MSL2: variants seen among roughly 807,000 people sequenced by gnomAD.
MSL2 encodes the protein E3 ubiquitin-protein ligase MSL2.
A neutral mutation model predicts 35.8 loss-of-function variants in MSL2; 2 were observed. The observed-to-expected ratio is 0.06, with a 90% confidence interval of 0.02 to 0.18. The LOEUF is 0.18. Ranked by LOEUF, MSL2 falls within the 10% of genes least tolerant of loss-of-function variation. The pLI is 1.00. For synonymous variants in MSL2, 296 were observed against 255.7 expected (o/e 1.16, Z -1.50); for missense variants, 523 against 706.7 (o/e 0.74, Z 2.95).
At chr3:136,159,616 C>A (rs1350626608) in intron 1 of MSL2, among the ~76,000 whole-genome samples, 1 of 151,348 alleles carries the variant, frequency 6.6e-6, no homozygotes, top group African/African-American at 2.4e-5. Context: ...GTGATCCGCC[C>A]GCCTCGGCCT....
Position 136,175,382 on chromosome 3 carries a change from C to A in MSL2, c.142+19590G>T, listed in dbSNP as rs576630938. ...AAAGTGGGAGAATACACTTCTCTCA[C>A]TGATGTCAAAAGTCTGAGATAGGCC... On this transcript the variant is annotated intron_variant, in intron 1 of 1. Coordinates refer to ENST00000309993, the MANE Select transcript of MSL2 (RefSeq NM_018133.4). Among the ~76,000 whole-genome samples the A allele has an allele frequency of 3.3e-5, 5 of 151,690 alleles. No homozygotes were observed. In the South Asian group the frequency reaches 8.3e-4, roughly 25 times the overall value.
At chr3:136,194,948 A>T in intron 1 of MSL2, 24 bp downstream of exon 1, 1 of 1,613,104 alleles carries the variant, frequency 6.2e-7, no homozygotes, top group East Asian at 2.2e-5. Flanking sequence ...AGCATTGAAA[A>T]GGGAACAATA....
chr3:136,162,003 T>G lies in MSL2; in HGVS notation c.143-9265A>C, dbSNP rs903797123. ...CCCAGGCTAGAGCACAGTGGCGTGA[T>G]CTCGGCTCACTACAACCTCTGCCTC... On this transcript the variant is annotated intron_variant, in intron 1 of 1. Transcript: ENST00000309993. Among the ~76,000 whole-genome samples the G allele has an allele frequency of 2.6e-5, 4 of 151,898 alleles. No homozygotes were observed. In the South Asian group the frequency reaches 8.3e-4, roughly 32 times the overall value.
At chr3:136,175,751 T>C (rs1317259225) in intron 1 of MSL2, among the ~76,000 whole-genome samples, 1 of 152,200 alleles carries the variant, frequency 6.6e-6, no homozygotes, top group Non-Finnish European at 1.5e-5. Flanking sequence ...TCAATTTATC[T>C]AAATTTCCCC....
At chr3:136,153,510 G>A (rs894874023) in intron 1 of MSL2, among the ~76,000 whole-genome samples, 5 of 152,234 alleles carry the variant, frequency 3.3e-5, no homozygotes, top group Non-Finnish European at 5.9e-5. Flanking sequence ...ATTTCAGGCC[G>A]GACACAGTGG....
At chr3:136,152,882 A>G in intron 1 of MSL2, 144 bp from the exon 2 acceptor site, 1 of 1,435,510 alleles carries the variant, frequency 7.0e-7, no homozygotes. Flanking sequence ...ATATCTTAGA[A>G]GAAACGGAAG....
chr3:136,156,358 G>A (rs758445441), intron 1 of MSL2, among the ~76,000 whole-genome samples: 14 of 152,166 alleles, frequency 9.2e-5, no homozygotes, highest in Non-Finnish European at 1.8e-4. Context: ...ATGGGAGAGG[G>A]AGGTTGGAAA....
Position 136,168,655 on chromosome 3 carries a change from G to A in MSL2, c.143-15917C>T, listed in dbSNP as rs150768425. 6.2e-3 allele frequency among the ~76,000 whole-genome samples: 948 copies of A among 152,084 alleles called. 13 individuals are homozygous for A. Among genetic ancestry groups the A allele is most frequent in the African/African-American group, 0.022 (895 of 41,490 alleles). ...GGAGTAGCATTAGGAGAAATACCTCGATGACCGGTTGATGGGTGCAGCAAA... is the reference window on the plus strand; with the variant it reads ...GGAGTAGCATTAGGAGAAATACCTCAATGACCGGTTGATGGGTGCAGCAAA... On this transcript the variant is annotated intron_variant, in intron 1 of 1. Coordinates refer to ENST00000309993, the MANE Select transcript of MSL2 (RefSeq NM_018133.4).
At position 136,180,760 on chromosome 3, in the gene MSL2, AGGAGGGAGGGAGGGAGGGAG is replaced by A. The variant is rs1170359510; in HGVS notation, c.142+14192_142+14211del. Among the ~76,000 whole-genome samples, 49 of 41,626 alleles carry A rather than the reference AGGAGGGAGGGAGGGAGGGAG, an allele frequency of 1.2e-3. 1 individual carries two copies. Among genetic ancestry groups the A allele is most frequent in the Middle Eastern group, 0.025 (1 of 40 alleles). The allele number at this position is 41,626 out of a possible 152,430, so 27.3% of individuals were successfully genotyped here. A position where few individuals can be genotyped will look rare whatever the true frequency, so the allele number is the denominator to read the frequency against. ...GAGGAGGAGAGGAGGGAAGGAGGGA[AGGAGGGAGGGAGGGAGGGAG>A]GGAGGGAGGGAGGGAGGGAGGGAGG... On this transcript the variant is annotated intron_variant, in intron 1 of 1. Transcript: ENST00000309993.
intron 1 of MSL2, among the ~76,000 whole-genome samples, chr3:136,168,216 C>CA (rs111546357): frequency 2.0e-4 from 29 of 146,962 alleles, no homozygotes; most frequent in Admixed American, 3.4e-4. Flanking sequence ...CCAACTCTAC[C>CA]AAAAAAAAAG....
At chr3:136,158,375 A>G (rs989534827) in intron 1 of MSL2, among the ~76,000 whole-genome samples, 5 of 152,040 alleles carry the variant, frequency 3.3e-5, no homozygotes, top group African/African-American at 7.2e-5. Flanking sequence ...GACAAAATCC[A>G]TAACAAAACA....
In MSL2 at chr3:136,185,450, T is replaced by C. The variant is rs537523693; in HGVS notation, c.142+9522A>G. The stretch of plus-strand genomic sequence containing the variant: ...AACCTTATCTAAAATACTATAGATA[T>C]GGACACAAAAATCACCCTTTTAGAG... On this transcript the variant is annotated intron_variant, in intron 1 of 1. Coordinates refer to ENST00000309993, the MANE Select transcript of MSL2 (RefSeq NM_018133.4). Among the ~76,000 whole-genome samples, 6 of 149,004 alleles carry C rather than the reference T, an allele frequency of 4.0e-5. No individual in the cohort carries two copies. In the East Asian group the frequency reaches 1.2e-3, roughly 30 times the overall value.
chr3:136,157,234 C>T (rs1275590986), intron 1 of MSL2, among the ~76,000 whole-genome samples: 2 of 152,116 alleles, frequency 1.3e-5, no homozygotes, highest in African/African-American at 4.8e-5. Flanking sequence ...GGGCCGATCA[C>T]CTGAGGTCAG....
chr3:136,157,485 G>C (rs1257900399), intron 1 of MSL2, among the ~76,000 whole-genome samples: 2 of 152,104 alleles, frequency 1.3e-5, no homozygotes, highest in Non-Finnish European at 2.9e-5. Flanking sequence ...CTGGGCGACA[G>C]AGCCAGACTC....
chr3:136,183,237 G>C (rs1940418732), intron 1 of MSL2, among the ~76,000 whole-genome samples: 1 of 151,142 alleles, frequency 6.6e-6, no homozygotes, highest in Non-Finnish European at 1.5e-5. Flanking sequence ...AAAGATGATA[G>C]AATTAGTAAA....
chr3:136,160,344 AGGGAG>A lies in MSL2; in HGVS notation c.143-7611_143-7607del, dbSNP rs1939671463. On this transcript the variant is annotated intron_variant, in intron 1 of 1. Transcript: ENST00000309993. Reference sequence around the variant, plus strand: ...GAGGGAAGGAGGGAAGGAAGGAGGGAGGGAGGGAGGGAGGGAGGGAGGGAGGGAGG... The same window carrying A: ...GAGGGAAGGAGGGAAGGAAGGAGGGAGGAGGGAGGGAGGGAGGGAGGGAGG... Among the ~76,000 whole-genome samples, 19 of 11,500 alleles carry A rather than the reference AGGGAG, an allele frequency of 1.7e-3. 1 individual carries two copies. Among genetic ancestry groups the A allele is most frequent in the Non-Finnish European group, 3.9e-3 (19 of 4,828 alleles). 7.5% of individuals were successfully genotyped at this position (11,500 alleles called of 152,430 possible).
intron 1 of MSL2, among the ~76,000 whole-genome samples, chr3:136,168,278 A>T (rs932803622): frequency 6.6e-6 from 1 of 152,206 alleles, no homozygotes; most frequent in Non-Finnish European, 1.5e-5. Context: ...CAAAAACTTC[A>T]CTTGCTAAAA....
At position 136,192,387 on chromosome 3, in the gene MSL2, C is replaced by T. The variant is rs1366471134; in HGVS notation, c.142+2585G>A. ...AGAGATGGGGTTTCACTATGTTGGC[C>T]AGGCTGGTCTCCAACTCCTGACCTC... On this transcript the variant is annotated intron_variant, in intron 1 of 1. Coordinates refer to ENST00000309993, the MANE Select transcript of MSL2 (RefSeq NM_018133.4). 5.9e-5 allele frequency among the ~76,000 whole-genome samples: 9 copies of T among 152,164 alleles called. No individual in the cohort carries two copies. The East Asian group carries it at 1.5e-3, about 26-fold the overall frequency.
At chr3:136,165,207 C>CAAA (rs371730438) in intron 1 of MSL2, among the ~76,000 whole-genome samples, 696 of 59,310 alleles carry the variant, frequency 0.012, 8 homozygotes, top group African/African-American at 0.039. Flanking sequence ...AAGTTCGTGA[C>CAAA]AAAAAAAAAA....
Sources: gnomAD v4.1 joint callset for allele counts (sites outside exome capture counted in the v4.1 genomes callset) on GRCh38, gnomAD v4.1.1 for gene constraint, MANE v1.5 for transcripts, NCBI Gene and HGNC (gene_info 2026-07-23, HGNC 2026-07-21) for gene names.